The following CLMN variants were observed in gnomAD, a reference collection of about 807,000 sequenced individuals.
CLMN encodes the protein calmin (calponin-like, transmembrane).
Under a neutral mutation model 92.7 loss-of-function variants are expected in CLMN, and 57 were observed. The observed-to-expected ratio is 0.61, with a 90% CI of 0.50 to 0.77. The LOEUF (loss-of-function observed/expected upper bound fraction) is 0.77. Ranked by LOEUF, CLMN falls within the 30% of genes least tolerant of loss-of-function variation. The pLI, the probability that CLMN is intolerant of heterozygous loss-of-function variation, is 0.00. For synonymous variants in CLMN, 466 were observed against 470.6 expected (o/e 0.99, Z 0.13); for missense variants, 1,158 against 1,237.5 (o/e 0.94, Z 0.96).
At chr14:95,308,423 C>T (rs1055131745) in intron 1 of CLMN, among the ~76,000 whole-genome samples, 2 of 152,122 alleles carry the variant, frequency 1.3e-5, no homozygotes, top group African/African-American at 4.8e-5. Flanking sequence ...TCCCCATGTC[C>T]CCACATTCAA....
Position 95,192,000 on chromosome 14 carries a change from T to C in CLMN, c.2841-268A>G, listed in dbSNP as rs2140555328. ...GGAGGTGGCAGCCCCATTCTGCAGA[T>C]GGACACACTGAGGCTTTCGGGGTGG... On this transcript the variant is annotated intron_variant, in intron 12 of 12. Transcript: ENST00000298912. This position sits in a 1 kb window ranked among gnomAD's most constrained non-coding sequence, Gnocchi z 5.3. 3.0e-6 allele frequency: 1 copy of C among 334,788 alleles called. No individual in the cohort carries two copies. Among genetic ancestry groups the C allele is most frequent in the East Asian group, 5.3e-5 (1 of 19,000 alleles). 20.7% of individuals were successfully genotyped at this position (334,788 alleles called of 1,614,324 possible). A position where few individuals can be genotyped will look rare whatever the true frequency, so the allele number is the denominator to read the frequency against.
intron 1 of CLMN, among the ~76,000 whole-genome samples, chr14:95,268,704 C>T (rs1009841569): frequency 3.3e-5 from 5 of 151,506 alleles, no homozygotes; most frequent in African/African-American, 1.2e-4. Flanking sequence ...CCAGTTCTTC[C>T]TCCTGGCTGT....
chr14:95,282,887 G>A (rs1249493704), intron 1 of CLMN, among the ~76,000 whole-genome samples: 1 of 152,238 alleles, frequency 6.6e-6, no homozygotes, highest in African/African-American at 2.4e-5. Context: ...GCAGGAGCAG[G>A]AAAAATGACC....
At chr14:95,246,551 C>A (rs1898579681) in intron 1 of CLMN, among the ~76,000 whole-genome samples, 1 of 152,348 alleles carries the variant, frequency 6.6e-6, no homozygotes, top group Non-Finnish European at 1.5e-5. Flanking sequence ...TCACTGCAAG[C>A]TCCACCTCCC....
intron 1 of CLMN, among the ~76,000 whole-genome samples, chr14:95,249,036 C>G (rs1898680984): frequency 6.6e-6 from 1 of 151,886 alleles, no homozygotes; most frequent in South Asian, 2.1e-4. Context: ...TACAGTAGAA[C>G]AAAATTGAAA....
chr14:95,279,181 T>C (rs1280212848), intron 1 of CLMN, among the ~76,000 whole-genome samples: 1 of 152,250 alleles, frequency 6.6e-6, no homozygotes, highest in Non-Finnish European at 1.5e-5. Flanking sequence ...TACCTTTTAG[T>C]TCGTGTCACT....
chr14:95,204,278 C>A lies in CLMN; in HGVS notation c.1071G>T (p.Glu357Asp). The change falls in exon 9 of 13, where the codon GAG becomes GAT. Residue 357 changes from glutamate to aspartate, a missense_variant. By Grantham distance (45) the Glu-to-Asp change is conservative. Transcript: ENST00000298912. ...PSKVFVCDKP[E>D]SMKEFRLDGV... The stretch of plus-strand genomic sequence containing the variant: ...CATCCAGGCGGAATTCCTTCATGCT[C>A]TCGGGCTTGTCACAGACAAAGACTT... 6.2e-7 allele frequency: 1 copy of A among 1,614,080 alleles called. No homozygotes were observed. The highest frequency in any genetic ancestry group is 8.5e-7 in the Non-Finnish European group (1 of 1,180,016).
chr14:95,201,015 CG>C (rs1896863025), intron 9 of CLMN, among the ~76,000 whole-genome samples: 1 of 14,414 alleles, frequency 6.9e-5, no homozygotes, highest in African/African-American at 2.3e-4. Context: ...CTGTGGGGGT[CG>C]GGGGCTAGGG....
chr14:95,293,666 GC>G (rs1167969612), intron 1 of CLMN, among the ~76,000 whole-genome samples: 4 of 151,744 alleles, frequency 2.6e-5, no homozygotes, highest in Non-Finnish European at 5.9e-5. Flanking sequence ...GGTGTACTGC[GC>G]CCCCTGTCTC....
chr14:95,239,910 C>T (rs1370198315), intron 1 of CLMN, among the ~76,000 whole-genome samples: 1 of 152,202 alleles, frequency 6.6e-6, no homozygotes, highest in Non-Finnish European at 1.5e-5. Flanking sequence ...ATGGAGCTGT[C>T]TTATACAGGT....
In CLMN at chr14:95,186,158, T is replaced by TC. The variant is rs1198476243; in HGVS notation, c.*5405dup. The TC allele has an allele frequency of 1.3e-5, 2 of 152,228 alleles. No homozygotes were observed. Among genetic ancestry groups the TC allele is most frequent in the Non-Finnish European group, 2.9e-5 (2 of 68,032 alleles). The allele number at this position is 152,228 out of a possible 1,614,324, so 9.4% of individuals were successfully genotyped here. On this transcript the variant is annotated 3_prime_UTR_variant, in exon 13 of 13. Transcript: ENST00000298912. ...TTTCCTCTTTCTAATCTTCAGTTTT[T>TC]CATCTCTTAAATGAGGCACTGAACG...
intron 1 of CLMN, among the ~76,000 whole-genome samples, chr14:95,304,388 A>G (rs10130640): frequency 0.016 from 2,436 of 152,060 alleles, 69 homozygotes; most frequent in African/African-American, 0.055. Flanking sequence ...GACAGCAAGG[A>G]AGGATGAAAA....
chr14:95,184,463 C>T lies in CLMN; in HGVS notation c.*7101G>A, dbSNP rs1896395574. ...GAGGCATGTGTATATTTAAAAACAA[C>T]TTGGTCAAACAGTACAAAATACTGG... On this transcript the variant is annotated 3_prime_UTR_variant, in exon 13 of 13. Transcript: ENST00000298912. 1 of 152,244 alleles carries T rather than the reference C, an allele frequency of 6.6e-6. No individual in the cohort carries two copies. The highest frequency in any genetic ancestry group is 2.4e-5 in the African/African-American group (1 of 41,468). 9.4% of individuals were successfully genotyped at this position (152,244 alleles called of 1,614,324 possible). A position where few individuals can be genotyped will look rare whatever the true frequency, so the allele number is the denominator to read the frequency against.
intron 1 of CLMN, among the ~76,000 whole-genome samples, chr14:95,263,218 T>C (rs1290558534): frequency 6.6e-6 from 1 of 152,090 alleles, no homozygotes; most frequent in African/African-American, 2.4e-5. Flanking sequence ...AGCAAATACG[T>C]CCTCTTCACG....
At chr14:95,213,729 C>T (rs1001393875) in intron 5 of CLMN, among the ~76,000 whole-genome samples, 2 of 152,108 alleles carry the variant, frequency 1.3e-5, no homozygotes, top group African/African-American at 2.4e-5. Flanking sequence ...TTCCTCTCAC[C>T]GCCCATCACT....
Position 95,294,790 on chromosome 14 carries a change from C to T in CLMN, c.82+24921G>A, listed in dbSNP as rs1382253165. On this transcript the variant is annotated intron_variant, in intron 1 of 12. Coordinates refer to ENST00000298912, the MANE Select transcript of CLMN (RefSeq NM_024734.4). This position sits in a 1 kb window ranked among gnomAD's most constrained non-coding sequence, Gnocchi z 4.2. ...CTCACTGGGTTTGGCCAATGGGAGG[C>T]GCTGGCAGGACAACGTGGGGTGGAG... Among the ~76,000 whole-genome samples the T allele has an allele frequency of 1.3e-5, 2 of 152,144 alleles. No individual in the cohort carries two copies. Among genetic ancestry groups the T allele is most frequent in the African/African-American group, 2.4e-5 (1 of 41,430 alleles).
chr14:95,229,562 G>A (rs185892726), intron 2 of CLMN, among the ~76,000 whole-genome samples: 13 of 152,242 alleles, frequency 8.5e-5, no homozygotes, highest in Admixed American at 7.9e-4. Flanking sequence ...GTCGTCATGA[G>A]GATGACAGGA....
intron 1 of CLMN, among the ~76,000 whole-genome samples, chr14:95,255,011 C>T (rs10149136): frequency 0.12 from 17,705 of 152,082 alleles, 1,447 homozygotes; most frequent in African/African-American, 0.22. Flanking sequence ...TAAGTTAAAA[C>T]GAGGCCTTTC....
Position 95,262,418 on chromosome 14 carries a change from G to A in CLMN, c.83-32285C>T, listed in dbSNP as rs189315655. On this transcript the variant is annotated intron_variant, in intron 1 of 12. Coordinates refer to ENST00000298912, the MANE Select transcript of CLMN (RefSeq NM_024734.4). ...AAAGAGTCAACCAAAAGATATCCAC[G>A]TGACATTTATGAAATGCCTAATAAA... is the stretch of plus-strand genomic sequence containing the variant. Among the ~76,000 whole-genome samples, 35 of 152,288 alleles carry A rather than the reference G, an allele frequency of 2.3e-4. No homozygotes were observed. In the East Asian group the frequency reaches 6.7e-3, roughly 29 times the overall value.
Sources: allele counts gnomAD v4.1 joint callset (sites outside exome capture counted in the v4.1 genomes callset), GRCh38; gene constraint gnomAD v4.1.1; non-coding constraint Gnocchi (gnomAD v3.1); transcripts MANE v1.5; gene names NCBI Gene and HGNC (gene_info 2026-07-23, HGNC 2026-07-21).